Variants in CORT observed in about 807,000 individuals in gnomAD.
The protein encoded by CORT is cortistatin.
CORT carries 2 observed loss-of-function variants against 4.4 expected under a neutral mutation model. The ratio of observed to expected loss-of-function variants is 0.46; its 90% CI spans 0.19 to 1.44. The LOEUF (loss-of-function observed/expected upper bound fraction) is 1.44, where lower values mean the gene tolerates loss of function less well. Among genes scored for constraint, CORT ranks in the 40% most tolerant of loss-of-function variants. CORT has a pLI of 0.26. For missense variants in CORT, 158 were observed against 140.2 expected (o/e 1.13, Z -0.64); for synonymous variants, 72 against 62.0 (o/e 1.16, Z -0.75).
At position 10,450,440 on chromosome 1, in the gene CORT, C is replaced by T. The variant is rs1570086519; in HGVS notation, c.99+118C>T. 6.3e-6 allele frequency: 7 copies of T among 1,117,432 alleles called. No homozygotes were observed. In the East Asian group the frequency reaches 1.6e-4, roughly 25 times the overall value. The allele number at this position is 1,117,432 out of a possible 1,614,324, so 69.2% of individuals were successfully genotyped here. A position where few individuals can be genotyped will look rare whatever the true frequency, so the allele number is the denominator to read the frequency against. ...TGCACTTCACAGCTTGGACAGGACACACGGCTCAACTTTGTAGTGTTCTTG... is the reference window on the plus strand; with the variant it reads ...TGCACTTCACAGCTTGGACAGGACATACGGCTCAACTTTGTAGTGTTCTTG... On this transcript the variant is annotated intron_variant, in intron 1 of 1. Transcript: ENST00000377049.
chr1:10,451,778 A>G lies in CORT; in HGVS notation c.*183A>G. 9.1e-7 allele frequency: 1 copy of G among 1,094,072 alleles called. No individual in the cohort carries two copies. Among genetic ancestry groups the G allele is most frequent in the Non-Finnish European group, 1.2e-6 (1 of 805,110 alleles). 67.8% of individuals were successfully genotyped at this position (1,094,072 alleles called of 1,614,324 possible). ...GGAACCCAAAGTGAAGATCTTTGAT[A>G]AAGATTTTTTTGTGGTTCGACTGGA... is the stretch of plus-strand genomic sequence containing the variant. On this transcript the variant is annotated 3_prime_UTR_variant, in exon 2 of 2. Transcript: ENST00000377049.
rs375806455 is a variant in CORT, at chr1:10,450,238, C to T, written c.15C>T (p.Pro5=). Residue 5 remains proline (P), a synonymous_variant, in exon 1 of 2, where the codon CCC becomes CCT. Coordinates refer to ENST00000377049, the MANE Select transcript of CORT (RefSeq NM_001302.5). MPLS[P]GLLLLLLSGA... ...CAGCCCACAAGATGCCATTGTCCCC[C>T]GGCCTCCTGCTGCTGCTGCTCTCCG... 100 of 1,586,152 alleles carry T rather than the reference C, an allele frequency of 6.3e-5. No homozygotes were observed. Among genetic ancestry groups the T allele is most frequent in the Middle Eastern group, 3.3e-4 (2 of 5,974 alleles).
At position 10,451,376 on chromosome 1, in the gene CORT, G is replaced by A. The variant is rs372806878; in HGVS notation, c.100-1G>A. The A allele has an allele frequency of 1.3e-5, 21 of 1,602,244 alleles. No homozygotes were observed. The highest frequency in any genetic ancestry group is 5.6e-5 in the South Asian group (5 of 89,194). ...CTTTGCCATCTGCTTCTCTTTAAAA[G>A]CATATGCAGGAAGCGGCAGGAATAA... On this transcript the variant is annotated splice_acceptor_variant, in intron 1 of 1. Coordinates refer to ENST00000377049, the MANE Select transcript of CORT (RefSeq NM_001302.5). LOFTEE classifies it high-confidence loss of function.
chr1:10,450,154 A>G lies in CORT; in HGVS notation c.-70A>G, dbSNP rs142020907. ...AAGAAGAGACCCAAGTCCCCAAAAC[A>G]TTGATTTCAGGGCTGCCAGGAAGGA... On this transcript the variant is annotated 5_prime_UTR_variant, in exon 1 of 2. Transcript: ENST00000377049. 3.1e-6 allele frequency: 5 copies of G among 1,610,308 alleles called. No individual in the cohort carries two copies. The highest frequency in any genetic ancestry group is 4.2e-6 in the Non-Finnish European group (5 of 1,178,614).
At position 10,451,729 on chromosome 1, in the gene CORT, A is replaced by G. The variant is rs893884522; in HGVS notation, c.*134A>G. 8 of 1,354,148 alleles carry G rather than the reference A, an allele frequency of 5.9e-6. No homozygotes were observed. The African/African-American group carries it at 5.9e-5, about 10-fold the overall frequency. The allele number at this position is 1,354,148 out of a possible 1,614,324, so 83.9% of individuals were successfully genotyped here. ...GTTATTTAAATTCCAATAATGCCCA[A>G]TACTGACGTGTCTTGAGTAATTTGG... is the stretch of plus-strand genomic sequence containing the variant. On this transcript the variant is annotated 3_prime_UTR_variant, in exon 2 of 2. Transcript: ENST00000377049.
Position 10,451,655 on chromosome 1 carries a change from C to T in CORT, c.*60C>T. The T allele has an allele frequency of 6.7e-7, 1 of 1,502,680 alleles. No homozygotes were observed. Among genetic ancestry groups the T allele is most frequent in the Non-Finnish European group, 8.9e-7 (1 of 1,123,766 alleles). 93.1% of individuals were successfully genotyped at this position (1,502,680 alleles called of 1,614,324 possible). A position where few individuals can be genotyped will look rare whatever the true frequency, so the allele number is the denominator to read the frequency against. On this transcript the variant is annotated 3_prime_UTR_variant, in exon 2 of 2. Coordinates refer to ENST00000377049, the MANE Select transcript of CORT (RefSeq NM_001302.5). Reference sequence around the variant, plus strand: ...ACAGACCTGAATAAAATGTATTAAGCAGCAGTGATCTTTCCTCTCCTCCTT... The same window carrying T: ...ACAGACCTGAATAAAATGTATTAAGTAGCAGTGATCTTTCCTCTCCTCCTT...
chr1:10,451,521 C>A lies in CORT; in HGVS notation c.244C>A (p.Pro82Thr). The change falls in exon 2 of 2, where the codon CCC (proline) becomes ACC (threonine). Residue 82 changes from proline (P) to threonine (T), a missense_variant. By Grantham distance (38) the Pro-to-Thr change is conservative. Coordinates refer to ENST00000377049, the MANE Select transcript of CORT (RefSeq NM_001302.5). ...EVARRQEGAPPQQSARRDRMP... is the reference protein window; with the variant it reads ...EVARRQEGAPTQQSARRDRMP... ...GGCCAGGCGGCAGGAAGGCGCACCC[C>A]CCCAGCAATCTGCGCGCCGGGACAG... 6.2e-7 allele frequency: 1 copy of A among 1,614,052 alleles called. No individual in the cohort carries two copies. The highest frequency in any genetic ancestry group is 1.1e-5 in the South Asian group (1 of 91,076).
At chr1:10,450,436 G>A in intron 1 of CORT, 114 bp downstream of exon 1, 1 of 1,147,468 alleles carries the variant, frequency 8.7e-7, no homozygotes, top group Admixed American at 4.1e-5. Context: ...GCTTGGACAG[G>A]ACACACGGCT....
rs776039862 is a variant in CORT, at chr1:10,450,084, A to G, written c.-140A>G. Reference sequence around the variant, plus strand: ...ATCCAGGCGTTAGACATGTATAGACACAAAAACAGCTGGAGATTGGGCTTA... The same window carrying G: ...ATCCAGGCGTTAGACATGTATAGACGCAAAAACAGCTGGAGATTGGGCTTA... On this transcript the variant is annotated 5_prime_UTR_variant, in exon 1 of 2. Coordinates refer to ENST00000377049, the MANE Select transcript of CORT (RefSeq NM_001302.5). 6.3e-7 allele frequency: 1 copy of G among 1,599,696 alleles called. No homozygotes were observed. Among genetic ancestry groups the G allele is most frequent in the East Asian group, 2.3e-5 (1 of 44,370 alleles).
At chr1:10,451,052 C>G (rs947922210) in intron 1 of CORT, among the ~76,000 whole-genome samples, 1 of 152,164 alleles carries the variant, frequency 6.6e-6, no homozygotes, top group Non-Finnish European at 1.5e-5. Flanking sequence ...GCAGATTTCC[C>G]GACCTCTCCT....
intron 1 of CORT, among the ~76,000 whole-genome samples, chr1:10,450,571 C>T (rs970419487): frequency 5.3e-5 from 8 of 152,322 alleles, no homozygotes; most frequent in Admixed American, 6.5e-5. Flanking sequence ...GAGGGCCCTC[C>T]GTCGGGTGTC....
chr1:10,450,164 G>A lies in CORT; in HGVS notation c.-60G>A, dbSNP rs746069598. On this transcript the variant is annotated 5_prime_UTR_variant, in exon 1 of 2. Transcript: ENST00000377049. Reference sequence around the variant, plus strand: ...CCAAGTCCCCAAAACATTGATTTCAGGGCTGCCAGGAAGGAAGAGCAGCAG... The same window carrying A: ...CCAAGTCCCCAAAACATTGATTTCAAGGCTGCCAGGAAGGAAGAGCAGCAG... 1.2e-6 allele frequency: 2 copies of A among 1,610,204 alleles called. No homozygotes were observed. The highest frequency in any genetic ancestry group is 3.4e-5 in the Admixed American group (2 of 59,408).
Position 10,451,672 on chromosome 1 carries a change from C to G in CORT, c.*77C>G. 2.0e-6 allele frequency: 3 copies of G among 1,472,732 alleles called. No homozygotes were observed. In the African/African-American group the frequency reaches 4.2e-5, roughly 21 times the overall value. The allele number at this position is 1,472,732 out of a possible 1,614,324, so 91.2% of individuals were successfully genotyped here. ...GTATTAAGCAGCAGTGATCTTTCCT[C>G]TCCTCCTTCCCAAGTCATTTGAAAA... On this transcript the variant is annotated 3_prime_UTR_variant, in exon 2 of 2. Coordinates refer to ENST00000377049, the MANE Select transcript of CORT (RefSeq NM_001302.5).
Position 10,451,525 on chromosome 1 carries a change from A to C in CORT, c.248A>C (p.Gln83Pro). Residue 83 changes from glutamine to proline, a missense_variant, in exon 2 of 2, where the codon CAG becomes CCG. Coordinates refer to ENST00000377049, the MANE Select transcript of CORT (RefSeq NM_001302.5). ...VARRQEGAPP[Q>P]QSARRDRMPC... ...AGGCGGCAGGAAGGCGCACCCCCCC[A>C]GCAATCTGCGCGCCGGGACAGAATG... The C allele has an allele frequency of 1.9e-6, 3 of 1,614,062 alleles. No individual in the cohort carries two copies. In the African/African-American group the frequency reaches 4.0e-5, roughly 22 times the overall value.
chr1:10,451,315 G>T, intron 1 of CORT, 62 bp from the exon 2 acceptor site: 1 of 1,473,912 alleles, frequency 6.8e-7, no homozygotes, highest in Non-Finnish European at 9.0e-7. Context: ...ATCTTTGAAT[G>T]CTTGCTGCCT....
chr1:10,450,358 A>C, intron 1 of CORT, 36 bp downstream of exon 1: 1 of 1,433,464 alleles, frequency 7.0e-7, no homozygotes, highest in East Asian at 2.6e-5. Context: ...ACGCTAGCCC[A>C]CTCTCTGTCT....
At position 10,450,287 on chromosome 1, in the gene CORT, C is replaced by A; in HGVS notation, c.64C>A (p.Pro22Thr). ...CGGGGCCACGGCCACCGCTGCCCTG[C>A]CCCTGGAGGGTGGCCCCACCGGCCG... is the stretch of plus-strand genomic sequence containing the variant. Reference protein sequence around the residue: ...LSGATATAALPLEGGPTGRDS... With the variant: ...LSGATATAALTLEGGPTGRDS... The change falls in exon 1 of 2, where the codon CCC (proline) becomes ACC (threonine). Residue 22 changes from proline to threonine, a missense_variant. Physicochemically the swap from Pro to Thr is conservative, Grantham distance 38. Coordinates refer to ENST00000377049, the MANE Select transcript of CORT (RefSeq NM_001302.5). 1 of 1,530,728 alleles carries A rather than the reference C, an allele frequency of 6.5e-7. No homozygotes were observed. The highest frequency in any genetic ancestry group is 8.8e-7 in the Non-Finnish European group (1 of 1,139,070). The allele number at this position is 1,530,728 out of a possible 1,614,324, so 94.8% of individuals were successfully genotyped here.
At chr1:10,451,283 TTA>T in intron 1 of CORT, 92 bp from the exon 2 acceptor site, 1 of 1,388,690 alleles carries the variant, frequency 7.2e-7, no homozygotes. Flanking sequence ...ATTTTTTTTT[TTA>T]AGTAAGGAGG....
Position 10,451,435 on chromosome 1 carries a change from G to A in CORT, c.158G>A (p.Trp53Ter). ...AGCCTCCTGACTTTCCTCGCTTGGT[G>A]GTTTGAGTGGACCTCCCAGGCCAGT... ...KSSLLTFLAWWFEWTSQASAG... is the reference protein window; with the variant it reads ...KSSLLTFLAW The change falls in exon 2 of 2, where the codon TGG becomes TAG. Residue 53 changes from tryptophan (W) to a stop codon, truncating the protein, a stop_gained. Coordinates refer to ENST00000377049, the MANE Select transcript of CORT (RefSeq NM_001302.5). LOFTEE classifies it low-confidence loss of function (END_TRUNC). The A allele has an allele frequency of 1.2e-6, 2 of 1,613,912 alleles. No homozygotes were observed. The highest frequency in any genetic ancestry group is 1.7e-6 in the Non-Finnish European group (2 of 1,179,858).
Sources: gnomAD v4.1 joint callset for allele counts (sites outside exome capture counted in the v4.1 genomes callset) on GRCh38, gnomAD v4.1.1 for gene constraint, MANE v1.5 for transcripts, NCBI Gene and HGNC (gene_info 2026-07-23, HGNC 2026-07-21) for gene names.